Variants in S100G observed in about 807,000 individuals in gnomAD.
S100G encodes S100 calcium binding protein G.
S100G carries 4 observed loss-of-function variants against 4.4 expected under a neutral mutation model. The observed-to-expected ratio is 0.91, with a 90% CI of 0.45 to 2.09. S100G has a LOEUF of 2.09. Ranked by LOEUF, S100G falls within the 30% of genes most tolerant of loss-of-function variation. The pLI, the probability that S100G is intolerant of heterozygous loss-of-function variation, is 0.03. For missense variants in S100G, 48 were observed against 49.8 expected, an observed-to-expected ratio of 0.96 and a Z score of 0.11; for synonymous variants, 24 against 20.1, an observed-to-expected ratio of 1.20 and a Z score of -0.53.
intron 2 of S100G, among the ~76,000 whole-genome samples, chrX:16,653,765 C>G (rs1156385053): frequency 8.9e-6 from 1 of 112,237 alleles, no homozygotes; most frequent in Non-Finnish European, 1.9e-5. Flanking sequence ...CATAGCTCAA[C>G]GTTTGGGAAA....
Position 16,654,477 on chromosome X carries a change from T to A in S100G, c.208T>A (p.Phe70Ile), listed in dbSNP as rs1198475981. 42 of 1,190,084 alleles carry A rather than the reference T, an allele frequency of 3.5e-5. No individual in the cohort carries two copies. The highest frequency in any genetic ancestry group is 4.7e-5 in the Non-Finnish European group (41 of 878,883). Reference protein sequence around the residue: ...NGDGEVSFEEFQVLVKKISQ With the variant: ...NGDGEVSFEEIQVLVKKISQ The stretch of plus-strand genomic sequence containing the variant: ...AGATGGAGAAGTTAGTTTTGAAGAA[T>A]TCCAAGTATTAGTAAAAAAGATATC... The change falls in exon 3 of 3, where the codon TTC becomes ATC. Residue 70 changes from phenylalanine (F) to isoleucine (I), a missense_variant. Phe to Ile is a conservative substitution (Grantham distance 21). Transcript: ENST00000380200.
chrX:16,651,158 A>T lies in S100G; in HGVS notation c.135+17A>T. 1 of 851,413 alleles carries T rather than the reference A, an allele frequency of 1.2e-6. No homozygotes were observed. The highest frequency in any genetic ancestry group is 2.0e-5 in the South Asian group (1 of 50,069). The allele number at this position is 851,413 out of a possible 1,213,427, so 70.2% of individuals were successfully genotyped here. On this transcript the variant is annotated intron_variant, in intron 2 of 2. Transcript: ENST00000380200. Reference sequence around the variant, plus strand: ...TTACTCAAAGTAAGTGGCCATCCGCAGAGCCCACTTAATGGGACTGATGGT... The same window carrying T: ...TTACTCAAAGTAAGTGGCCATCCGCTGAGCCCACTTAATGGGACTGATGGT...
intron 2 of S100G, 118 bp from the exon 3 acceptor site, chrX:16,654,287 A>G: frequency 2.2e-6 from 1 of 449,737 alleles, no homozygotes; most frequent in African/African-American, 2.4e-5. Context: ...TGTCACTGGA[A>G]ACCTGAGCTG....
chrX:16,651,219 G>A, intron 2 of S100G, 78 bp downstream of exon 2: 4 of 951,249 alleles, frequency 4.2e-6, no homozygotes, highest in South Asian at 2.2e-5. Context: ...GACTCCGGTA[G>A]AGCCTTATAG....
intron 1 of S100G, among the ~76,000 whole-genome samples, chrX:16,650,534 T>G (rs898042800): frequency 1.0e-5 from 1 of 97,373 alleles, no homozygotes; most frequent in African/African-American, 4.1e-5. Flanking sequence ...TTTTTTTTTT[T>G]GCAGCGGAGG....
chrX:16,654,185 G>A lies in S100G; in HGVS notation c.136-220G>A, dbSNP rs73207115. The stretch of plus-strand genomic sequence containing the variant: ...TACGCATTGTATTAAAATAACAGAT[G>A]TGTGATATGGAGGACAAAAAGGTAG... On this transcript the variant is annotated intron_variant, in intron 2 of 2. Coordinates refer to ENST00000380200, the MANE Select transcript of S100G (RefSeq NM_004057.3). 3.3e-3 allele frequency among the ~76,000 whole-genome samples: 372 copies of A among 112,744 alleles called. 2 individuals carry two copies. The highest frequency in any genetic ancestry group is 6.0e-3 in the Non-Finnish European group (322 of 53,377).
At position 16,651,000 on chromosome X, in the gene S100G, C is replaced by T. The variant is rs41311513; in HGVS notation, c.-7C>T. On this transcript the variant is annotated splice_region_variant and 5_prime_UTR_variant, in exon 2 of 3. Coordinates refer to ENST00000380200, the MANE Select transcript of S100G (RefSeq NM_004057.3). ...TTTATTTTCTTCCCAATTTATAAGACACCAGAATGAGTACTAAAAAGTCTC... is the reference window on the plus strand; with the variant it reads ...TTTATTTTCTTCCCAATTTATAAGATACCAGAATGAGTACTAAAAAGTCTC... 55,570 of 1,198,395 alleles carry T rather than the reference C, an allele frequency of 0.046. 1,451 individuals are homozygous for T. The highest frequency in any genetic ancestry group is 0.17 in the Admixed American group (7,730 of 45,144).
chrX:16,652,573 C>T (rs892507086), intron 2 of S100G, among the ~76,000 whole-genome samples: 1 of 112,009 alleles, frequency 8.9e-6, no homozygotes, highest in Non-Finnish European at 1.9e-5. Flanking sequence ...TTAAAAGACC[C>T]TTTATTTTTT....
chrX:16,651,129 C>T lies in S100G; in HGVS notation c.123C>T (p.Pro41=), dbSNP rs748000340. ...ELKLLIQAEF[P]SLLKGPNTLD... ...AGCTATTGATTCAGGCTGAATTCCC[C>T]AGTTTACTCAAAGTAAGTGGCCATC... Residue 41 remains proline (P), a synonymous_variant, in exon 2 of 3, where the codon CCC becomes CCT. Transcript: ENST00000380200. The T allele has an allele frequency of 2.6e-6, 3 of 1,163,471 alleles. No homozygotes were observed. The African/African-American group carries it at 5.5e-5, about 21-fold the overall frequency.
At chrX:16,654,354 T>C in intron 2 of S100G, 51 bp from the exon 3 acceptor site, 1 of 845,499 alleles carries the variant, frequency 1.2e-6, no homozygotes, top group Non-Finnish European at 1.7e-6. Context: ...TAGCAGTAAC[T>C]GATTCATTTT....
At chrX:16,653,104 A>G (rs1484453871) in intron 2 of S100G, among the ~76,000 whole-genome samples, 1 of 110,733 alleles carries the variant, frequency 9.0e-6, no homozygotes, top group Non-Finnish European at 1.9e-5. Flanking sequence ...CACAATTTAT[A>G]TATACATATA....
At chrX:16,650,978 A>T in intron 1 of S100G, 21 bp from the exon 2 acceptor site, 4 of 1,191,722 alleles carry the variant, frequency 3.4e-6, no homozygotes, top group Non-Finnish European at 3.4e-6. Context: ...TGGTAAGTTT[A>T]TTTTCTTCCC....
At chrX:16,654,281 A>C (rs182050129) in intron 2 of S100G, 124 bp from the exon 3 acceptor site, 1 of 434,068 alleles carries the variant, frequency 2.3e-6, no homozygotes. Flanking sequence ...GATGCATGTC[A>C]CTGGAAACCT....
chrX:16,653,552 G>A (rs1932751444), intron 2 of S100G, among the ~76,000 whole-genome samples: 1 of 112,059 alleles, frequency 8.9e-6, no homozygotes, highest in Non-Finnish European at 1.9e-5. Flanking sequence ...GGAAGCTGCA[G>A]TGGGCTGTGA....
intron 1 of S100G, 27 bp from the exon 2 acceptor site, chrX:16,650,972 A>T: frequency 8.5e-7 from 1 of 1,177,495 alleles, no homozygotes. Flanking sequence ...GCTTTTTGGT[A>T]AGTTTATTTT....
intron 2 of S100G, among the ~76,000 whole-genome samples, chrX:16,653,185 T>C (rs1932732099): frequency 9.0e-6 from 1 of 111,090 alleles, no homozygotes; most frequent in South Asian, 3.7e-4. Context: ...TAAGTAGTAT[T>C]TTGCACAGAT....
chrX:16,653,320 C>CGAGA (rs1054261833), intron 2 of S100G, among the ~76,000 whole-genome samples: 9 of 111,768 alleles, frequency 8.1e-5, no homozygotes, highest in Non-Finnish European at 1.7e-4. Context: ...CACACGATCT[C>CGAGA]ACACGACATC....
rs751032045 is a variant in S100G, at chrX:16,654,551, G to A, written c.*42G>A. On this transcript the variant is annotated 3_prime_UTR_variant, in exon 3 of 3. Transcript: ENST00000380200. ...GAACCCTGAGCACTGGAGGAAGAGCGCCTGTGCTGTGGTCTTATCCTATGT... is the reference window on the plus strand; with the variant it reads ...GAACCCTGAGCACTGGAGGAAGAGCACCTGTGCTGTGGTCTTATCCTATGT... 12 of 826,508 alleles carry A rather than the reference G, an allele frequency of 1.5e-5. No individual in the cohort carries two copies. The highest frequency in any genetic ancestry group is 2.8e-4 in the Middle Eastern group (1 of 3,529). The allele number at this position is 826,508 out of a possible 1,213,427, so 68.1% of individuals were successfully genotyped here. A position where few individuals can be genotyped will look rare whatever the true frequency, so the allele number is the denominator to read the frequency against.
intron 2 of S100G, among the ~76,000 whole-genome samples, chrX:16,652,048 A>C (rs1333661152): frequency 9.0e-6 from 1 of 111,147 alleles, no homozygotes; most frequent in Non-Finnish European, 1.9e-5. Context: ...AAAATTACCA[A>C]GGAAATATCC....
Sources: allele counts gnomAD v4.1 joint callset (sites outside exome capture counted in the v4.1 genomes callset), GRCh38; gene constraint gnomAD v4.1.1; transcripts MANE v1.5; gene names NCBI Gene and HGNC (gene_info 2026-07-23, HGNC 2026-07-21).